PDE1C: variants seen among roughly 807,000 people sequenced by gnomAD.
PDE1C encodes phosphodiesterase 1C, also known as dual specificity calcium/calmodulin-dependent 3',5'-cyclic nucleotide phosphodiesterase 1C.
In PDE1C, 62 loss-of-function variants were observed where a neutral mutation model predicts 93.1. The ratio of observed to expected loss-of-function variants is 0.67; its 90% CI spans 0.54 to 0.82. The LOEUF is 0.82. Among genes scored for constraint, PDE1C ranks in the 40% least tolerant of loss-of-function variants. The pLI is 0.00. For missense variants in PDE1C, 742 were observed against 884.6 expected (o/e 0.84, Z 2.04); for synonymous variants, 325 against 310.1 (o/e 1.05, Z -0.50).
intron 2 of PDE1C, among the ~76,000 whole-genome samples, chr7:31,887,372 A>G (rs1454221594): frequency 1.4e-5 from 2 of 146,654 alleles, no homozygotes; most frequent in East Asian, 1.9e-4. Flanking sequence ...TATAAATAAA[A>G]GAGAATTTTA....
chr7:31,649,643 A>G, the PDE1C span, among the ~76,000 whole-genome samples: 1 of 152,302 alleles, frequency 6.6e-6, no homozygotes, highest in East Asian at 1.9e-4. Context: ...GGTCTGATAG[A>G]GATGGCTTTA....
intron 2 of PDE1C, among the ~76,000 whole-genome samples, chr7:32,043,207 T>C (rs1191204182): frequency 6.6e-6 from 1 of 152,174 alleles, no homozygotes; most frequent in Non-Finnish European, 1.5e-5. Flanking sequence ...AATGCTCACC[T>C]ACTCCATTGG....
At chr7:31,760,562 C>G (rs887688435) in intron 17 of PDE1C, among the ~76,000 whole-genome samples, 2 of 152,096 alleles carry the variant, frequency 1.3e-5, no homozygotes, top group African/African-American at 2.4e-5. Flanking sequence ...GTTTTCTGAA[C>G]CTCTTCAGGT....
chr7:32,220,115 T>A (rs79614526), intron 1 of PDE1C, among the ~76,000 whole-genome samples: 42 of 152,126 alleles, frequency 2.8e-4, no homozygotes, highest in African/African-American at 9.6e-4. Flanking sequence ...TTTTTTTTTT[T>A]AAATAAATTA....
chr7:31,692,421 A>ACATC, the PDE1C span: 1 of 1,573,160 alleles, frequency 6.4e-7, no homozygotes, highest in Non-Finnish European at 8.7e-7. Flanking sequence ...GAGAAGAAAT[A>ACATC]CATCCACCCA....
chr7:31,652,038 A>C, the PDE1C span: 8 of 1,598,546 alleles, frequency 5.0e-6, no homozygotes, highest in Non-Finnish European at 6.8e-6. Flanking sequence ...AAATCAGAGA[A>C]GGGATTTTAC....
chr7:32,274,627 C>A (rs1326992893), intron 1 of PDE1C, among the ~76,000 whole-genome samples: 1 of 152,162 alleles, frequency 6.6e-6, no homozygotes, highest in Non-Finnish European at 1.5e-5. Context: ...ATGACTAGAT[C>A]AGCTTCAGCA....
chr7:31,623,819 G>A, the PDE1C span, among the ~76,000 whole-genome samples: 3 of 152,262 alleles, frequency 2.0e-5, no homozygotes, highest in Non-Finnish European at 2.9e-5. Flanking sequence ...TAGGAAAAGA[G>A]CAAGTCAAAT....
chr7:32,335,303 T>C (rs935589546), intron 1 of PDE1C, among the ~76,000 whole-genome samples: 2 of 152,180 alleles, frequency 1.3e-5, no homozygotes, highest in Non-Finnish European at 2.9e-5. Context: ...TGCTCCTCAC[T>C]TGGGCCCTAA....
At chr7:31,807,736 G>C (rs1787038712) in intron 16 of PDE1C, among the ~76,000 whole-genome samples, 1 of 151,902 alleles carries the variant, frequency 6.6e-6, no homozygotes, top group African/African-American at 2.4e-5. Context: ...TTCTGGCTTT[G>C]GTTGCCTTGA....
At chr7:31,705,714 A>G in the PDE1C span, among the ~76,000 whole-genome samples, 67 of 152,186 alleles carry the variant, frequency 4.4e-4, no homozygotes, top group African/African-American at 1.5e-3. Flanking sequence ...TCAAGTGTAG[A>G]TCTTTATGAA....
In PDE1C at chr7:31,987,965, C is replaced by T. The variant is rs564638845; in HGVS notation, c.128+63589G>A. 2.6e-5 allele frequency among the ~76,000 whole-genome samples: 4 copies of T among 152,320 alleles called. No individual in the cohort carries two copies. The East Asian group carries it at 5.8e-4, about 22-fold the overall frequency. On this transcript the variant is annotated intron_variant, in intron 2 of 17. Coordinates refer to ENST00000396191, the MANE Select transcript of PDE1C (RefSeq NM_001191057.4). The stretch of plus-strand genomic sequence containing the variant: ...ATGGGCCATCGCTGGCTCTCTGGCC[C>T]TCTGGCTTCCTGTTGAGTTTCTGTT...
chr7:31,626,045 G>T, the PDE1C span, among the ~76,000 whole-genome samples: 26 of 152,206 alleles, frequency 1.7e-4, no homozygotes, highest in Admixed American at 5.2e-4. Flanking sequence ...GTGTTAAAAG[G>T]ATTCCAAGTT....
intron 1 of PDE1C, among the ~76,000 whole-genome samples, chr7:32,270,586 C>T (rs370655789): frequency 5.9e-5 from 9 of 152,224 alleles, no homozygotes; most frequent in Admixed American, 3.3e-4. Flanking sequence ...TGAAACTCTA[C>T]GTGTAAGGAG....
At chr7:32,003,468 GTATAGTA>G (rs1785745309) in intron 2 of PDE1C, among the ~76,000 whole-genome samples, 1 of 152,214 alleles carries the variant, frequency 6.6e-6, no homozygotes, top group Non-Finnish European at 1.5e-5. Flanking sequence ...ATAAAACACT[GTATAGTA>G]CAATGCTTAT....
chr7:31,767,966 G>T (rs1795245548), intron 17 of PDE1C, among the ~76,000 whole-genome samples: 1 of 152,188 alleles, frequency 6.6e-6, no homozygotes, highest in African/African-American at 2.4e-5. Context: ...TGGGGGTTCA[G>T]TCAGGATGGT....
intron 1 of PDE1C, among the ~76,000 whole-genome samples, chr7:32,336,527 C>G (rs995626455): frequency 1.3e-5 from 2 of 152,092 alleles, no homozygotes; most frequent in Non-Finnish European, 2.9e-5. Flanking sequence ...TGGGAATTAT[C>G]ATGTGGGCTC....
intron 2 of PDE1C, among the ~76,000 whole-genome samples, chr7:31,964,342 C>T (rs188321978): frequency 0.012 from 1,888 of 152,338 alleles, 16 homozygotes; most frequent in Non-Finnish European, 0.021. Flanking sequence ...CCTATGCCCA[C>T]GGAGCCTCGC....
the PDE1C span, among the ~76,000 whole-genome samples, chr7:31,702,451 A>G: frequency 2.7e-4 from 41 of 152,258 alleles, no homozygotes; most frequent in African/African-American, 9.4e-4. Context: ...ACTCCATCAC[A>G]TGCTTTCCCT....
Sources: allele counts gnomAD v4.1 joint callset (sites outside exome capture counted in the v4.1 genomes callset), GRCh38; gene constraint gnomAD v4.1.1; transcripts MANE v1.5; gene names NCBI Gene and HGNC (gene_info 2026-07-23, HGNC 2026-07-21).